The following NAV3 variants were observed in gnomAD, a reference collection of about 807,000 sequenced individuals.
NAV3 encodes the protein neuron navigator 3, also known as pore membrane and/or filament interacting like protein 1.
Under a neutral mutation model 244.7 loss-of-function variants are expected in NAV3, and 87 were observed. The ratio of observed to expected loss-of-function variants is 0.36; its 90% CI spans 0.30 to 0.42. The LOEUF (loss-of-function observed/expected upper bound fraction) is 0.42, where lower values mean the gene tolerates loss of function less well. Among genes scored for constraint, NAV3 ranks in the 20% least tolerant of loss-of-function variants. NAV3 has a pLI of 1.00. For synonymous variants in NAV3, 1,126 were observed against 1,042.2 expected, an observed-to-expected ratio of 1.08 and a Z score of -1.55; for missense variants, 2,663 against 2,893.3, an observed-to-expected ratio of 0.92 and a Z score of 1.83.
chr12:77,618,187 A>T (rs895968680), intron 2 of NAV3, among the ~76,000 whole-genome samples: 1 of 152,224 alleles, frequency 6.6e-6, no homozygotes, highest in Non-Finnish European at 1.5e-5. Flanking sequence ...CTCAGCTGAC[A>T]TCTTAACTGC....
intron 12 of NAV3, among the ~76,000 whole-genome samples, chr12:78,116,427 T>G (rs1185227809): frequency 6.6e-6 from 1 of 152,308 alleles, no homozygotes; most frequent in East Asian, 1.9e-4. Flanking sequence ...GCTTTATGAT[T>G]CCTGGTTGAA....
At chr12:78,011,920 C>T (rs1322834487) in intron 8 of NAV3, among the ~76,000 whole-genome samples, 1 of 152,006 alleles carries the variant, frequency 6.6e-6, no homozygotes, top group Non-Finnish European at 1.5e-5. Flanking sequence ...TGGGAAACTG[C>T]CATACACTTT....
At chr12:77,922,874 A>T (rs1041875292) in intron 1 of NAV3, among the ~76,000 whole-genome samples, 1 of 152,176 alleles carries the variant, frequency 6.6e-6, no homozygotes, top group African/African-American at 2.4e-5. Context: ...ATTTTTAATT[A>T]TAAAGAACAA....
At chr12:77,985,134 T>C (rs1416655375) in intron 5 of NAV3, among the ~76,000 whole-genome samples, 4 of 152,118 alleles carry the variant, frequency 2.6e-5, no homozygotes, top group African/African-American at 9.7e-5. Flanking sequence ...TTATGAAGAA[T>C]ATTAGTTAGT....
chr12:77,981,432 A>T (rs1166121319), intron 5 of NAV3, among the ~76,000 whole-genome samples: 4 of 152,100 alleles, frequency 2.6e-5, no homozygotes. Flanking sequence ...TTCTGAATAT[A>T]TGGTTTCATT....
At chr12:77,603,584 A>G (rs1407523018) in intron 2 of NAV3, among the ~76,000 whole-genome samples, 1 of 152,100 alleles carries the variant, frequency 6.6e-6, no homozygotes, top group African/African-American at 2.4e-5. Context: ...AATTTGTGGA[A>G]TAATGCACCT....
At chr12:78,035,187 T>G (rs902391649) in intron 9 of NAV3, among the ~76,000 whole-genome samples, 1 of 152,208 alleles carries the variant, frequency 6.6e-6, no homozygotes, top group East Asian at 1.9e-4. Flanking sequence ...GGGTATTTCC[T>G]CTATTGAGAT....
intron 3 of NAV3, among the ~76,000 whole-genome samples, chr12:77,946,735 T>C (rs1235587569): frequency 1.3e-5 from 2 of 152,092 alleles, no homozygotes; most frequent in Non-Finnish European, 2.9e-5. Flanking sequence ...CCCAGCAAAT[T>C]AAAAATAGCA....
At chr12:78,088,754 A>T (rs1225128558) in intron 12 of NAV3, 1 of 152,136 alleles carries the variant, frequency 6.6e-6, no homozygotes, top group African/African-American at 2.4e-5. Context: ...GAATTTGAAG[A>T]TGGGCTGCTT....
chr12:78,089,940 T>C (rs1953834965), intron 12 of NAV3, among the ~76,000 whole-genome samples: 1 of 152,160 alleles, frequency 6.6e-6, no homozygotes, highest in African/African-American at 2.4e-5. Flanking sequence ...CAGAATTACG[T>C]ACCTCTCAAA....
chr12:77,936,466 A>T (rs1378826771), intron 1 of NAV3, among the ~76,000 whole-genome samples: 1 of 152,186 alleles, frequency 6.6e-6, no homozygotes, highest in African/African-American at 2.4e-5. Context: ...TAGCCAGAAC[A>T]TTCATGATTA....
chr12:78,159,724 TC>T (rs1482837529), intron 23 of NAV3, among the ~76,000 whole-genome samples: 1 of 152,092 alleles, frequency 6.6e-6, no homozygotes, highest in Non-Finnish European at 1.5e-5. Context: ...ATAATACCTT[TC>T]TTTTCAGATT....
In NAV3 at chr12:77,639,189, A is replaced by T. The variant is rs539082400; in HGVS notation, c.72+66923A>T. Among the ~76,000 whole-genome samples the T allele has an allele frequency of 6.2e-4, 94 of 152,224 alleles. 1 individual carries two copies. The highest frequency in any genetic ancestry group is 2.1e-3 in the African/African-American group (89 of 41,548). On this transcript the variant is annotated intron_variant, in intron 2 of 8. Coordinates refer to the NAV3 transcript ENST00000550042. ...AAATCTAGAATCTGTAAACAGATTT[A>T]AAAAAATTTTTTTTATCCTCATCTT...
chr12:77,625,086 G>A (rs1871556995), intron 2 of NAV3, among the ~76,000 whole-genome samples: 1 of 152,038 alleles, frequency 6.6e-6, no homozygotes, highest in Non-Finnish European at 1.5e-5. Context: ...ATTTTTTTAA[G>A]AAATTTAAAA....
intron 2 of NAV3, among the ~76,000 whole-genome samples, chr12:77,600,811 C>T (rs956767577): frequency 2.0e-5 from 3 of 151,964 alleles, no homozygotes; most frequent in African/African-American, 7.2e-5. Flanking sequence ...ATCTAGCAGA[C>T]ATTGGGCTCT....
intron 2 of NAV3, among the ~76,000 whole-genome samples, chr12:77,607,103 A>G (rs1196727062): frequency 6.6e-6 from 1 of 152,100 alleles, no homozygotes; most frequent in Admixed American, 6.6e-5. Context: ...ACATTCTTTC[A>G]AAGTTTTCTT....
intron 1 of NAV3, among the ~76,000 whole-genome samples, chr12:77,921,588 C>G (rs1488538591): frequency 1.3e-5 from 2 of 152,012 alleles, no homozygotes; most frequent in African/African-American, 4.8e-5. Context: ...GATAAGTTTT[C>G]TCATAGCTAA....
chr12:78,186,025 G>A (rs1565777532), intron 31 of NAV3, among the ~76,000 whole-genome samples: 1 of 151,832 alleles, frequency 6.6e-6, no homozygotes, highest in South Asian at 2.1e-4. Flanking sequence ...TATAGGTAAT[G>A]TTTATGATGT....
rs1471551429 is a variant in NAV3 at position 77,963,903 on chromosome 12, TTCCTTC to T, written c.415-2313_415-2308del. Among the ~76,000 whole-genome samples, 10 of 16,224 alleles carry T rather than the reference TTCCTTC, an allele frequency of 6.2e-4. No homozygotes were observed. The Admixed American group carries it at 6.8e-3, about 11-fold the overall frequency. The allele number at this position is 16,224 out of a possible 152,430, so 10.6% of individuals were successfully genotyped here. A position where few individuals can be genotyped will look rare whatever the true frequency, so the allele number is the denominator to read the frequency against. The stretch of plus-strand genomic sequence containing the variant: ...TCCTTCTCCTTCCTTCTCCTTCTCC[TTCCTTC>T]TCCTTCTCCTTCCTTCTTCTCCTCC... On this transcript the variant is annotated intron_variant, in intron 3 of 39. Coordinates refer to ENST00000397909, the MANE Select transcript of NAV3 (RefSeq NM_001024383.2).
Sources: gnomAD v4.1 joint callset for allele counts (sites outside exome capture counted in the v4.1 genomes callset) on GRCh38, gnomAD v4.1.1 for gene constraint, MANE v1.5 for transcripts, NCBI Gene and HGNC (gene_info 2026-07-23, HGNC 2026-07-21) for gene names.